Variants in EDA observed in about 807,000 individuals in gnomAD.
The protein encoded by EDA is ectodysplasin-A.
In EDA, 2 loss-of-function variants were observed where a neutral mutation model predicts 23.6. That is an observed-to-expected ratio of 0.08 (90% CI 0.03 to 0.27). EDA has a LOEUF of 0.27. Among genes scored for constraint, EDA ranks in the 10% least tolerant of loss-of-function variants. The pLI is 1.00. For synonymous variants in EDA, 131 were observed against 132.0 expected (o/e 0.99, Z 0.05); for missense variants, 229 against 324.2 (o/e 0.71, Z 2.26).
intron 1 of EDA, among the ~76,000 whole-genome samples, chrX:69,831,832 A>T (rs1311101215): frequency 8.9e-6 from 1 of 112,395 alleles, no homozygotes; most frequent in Non-Finnish European, 1.9e-5. Flanking sequence ...GGCTGCATAG[A>T]TGTCCTCTTT....
chrX:69,649,589 C>CT (rs34800169), intron 1 of EDA, among the ~76,000 whole-genome samples: 19,805 of 98,599 alleles, frequency 0.2, 1,725 homozygotes, highest in Non-Finnish European at 0.24. Flanking sequence ...GAAATACAGT[C>CT]TTTTTTTTTT....
At chrX:69,813,816 TA>T (rs11462972) in intron 1 of EDA, among the ~76,000 whole-genome samples, 38 of 101,983 alleles carry the variant, frequency 3.7e-4, no homozygotes, top group Admixed American at 4.3e-4. Flanking sequence ...ATGCTGCATT[TA>T]AAAAAAAAAA....
chrX:69,880,486 A>G (rs2017728080), intron 1 of EDA, among the ~76,000 whole-genome samples: 1 of 111,772 alleles, frequency 8.9e-6, no homozygotes, highest in Non-Finnish European at 1.9e-5. Flanking sequence ...GACTCAGGGG[A>G]CGAAACTAGT....
intron 1 of EDA, among the ~76,000 whole-genome samples, chrX:69,765,157 T>C (rs2014433275): frequency 1.8e-5 from 2 of 112,126 alleles, no homozygotes; most frequent in South Asian, 3.7e-4. Flanking sequence ...TTAAAGGCTA[T>C]GAGAGAATGT....
intron 2 of EDA, among the ~76,000 whole-genome samples, chrX:69,975,825 TA>T (rs201559097): frequency 2.1e-4 from 23 of 111,455 alleles, no homozygotes; most frequent in East Asian, 8.4e-4. Context: ...TTGGGTTACA[TA>T]AAAAAAATCT....
intron 1 of EDA, among the ~76,000 whole-genome samples, chrX:69,637,184 A>G (rs1048334579): frequency 8.9e-6 from 1 of 111,954 alleles, no homozygotes; most frequent in African/African-American, 3.2e-5. Context: ...CAAGTAGTCC[A>G]CAGGTATACT....
At chrX:69,927,775 A>C (rs2018544094) in intron 1 of EDA, among the ~76,000 whole-genome samples, 1 of 109,914 alleles carries the variant, frequency 9.1e-6, no homozygotes, top group South Asian at 3.9e-4. Flanking sequence ...TTTTAACACT[A>C]ATTTAGGTCC....
chrX:69,914,653 A>G (rs972544975), intron 1 of EDA, among the ~76,000 whole-genome samples: 5 of 111,198 alleles, frequency 4.5e-5, no homozygotes, highest in Non-Finnish European at 9.4e-5. Flanking sequence ...GCTATTTGGA[A>G]CTATATAATA....
At chrX:69,899,113 C>G (rs1216727102) in intron 1 of EDA, among the ~76,000 whole-genome samples, 2 of 111,970 alleles carry the variant, frequency 1.8e-5, no homozygotes, top group Admixed American at 9.5e-5. Flanking sequence ...AATGTGAGAT[C>G]ATACCATCCA....
chrX:69,923,638 T>A (rs1327808816), intron 1 of EDA, among the ~76,000 whole-genome samples: 2 of 112,030 alleles, frequency 1.8e-5, no homozygotes, highest in Non-Finnish European at 3.8e-5. Context: ...ATGATTTATT[T>A]AGATGATTTA....
intron 1 of EDA, among the ~76,000 whole-genome samples, chrX:69,839,515 C>A (rs1179334000): frequency 8.9e-6 from 1 of 112,497 alleles, no homozygotes; most frequent in African/African-American, 3.2e-5. Flanking sequence ...ATAATATGCA[C>A]TTACTCCTCT....
chrX:69,848,088 G>A (rs1406536491), intron 1 of EDA, among the ~76,000 whole-genome samples: 1 of 111,673 alleles, frequency 9.0e-6, no homozygotes, highest in Non-Finnish European at 1.9e-5. Flanking sequence ...TTTTCCTAAT[G>A]GCTAATTGTA....
chrX:69,769,175 A>G (rs1457426288), intron 1 of EDA, among the ~76,000 whole-genome samples: 4 of 111,763 alleles, frequency 3.6e-5, no homozygotes, highest in Non-Finnish European at 5.6e-5. Flanking sequence ...TTTTATAAAT[A>G]TCAAGTAGTT....
intron 1 of EDA, among the ~76,000 whole-genome samples, chrX:69,903,899 C>T (rs1602522740): frequency 9.0e-6 from 1 of 110,591 alleles, no homozygotes. Context: ...CAACCTTTGC[C>T]TCCCGGGTTA....
chrX:69,915,339 C>T (rs1460037903), intron 1 of EDA, among the ~76,000 whole-genome samples: 4 of 111,767 alleles, frequency 3.6e-5, no homozygotes, highest in Non-Finnish European at 7.5e-5. Flanking sequence ...CGCGGTGGCT[C>T]ATGCCTGTAA....
chrX:69,714,655 T>C (rs963277500), intron 1 of EDA, among the ~76,000 whole-genome samples: 2 of 112,076 alleles, frequency 1.8e-5, no homozygotes, highest in Non-Finnish European at 3.8e-5. Context: ...TTGAAAAGGC[T>C]ATGCTTCCTC....
At chrX:69,699,679 G>A (rs748613368) in intron 1 of EDA, among the ~76,000 whole-genome samples, 18 of 110,924 alleles carry the variant, frequency 1.6e-4, no homozygotes, top group African/African-American at 5.6e-4. Context: ...CTTAGACTGC[G>A]TTAGAACACC....
intron 1 of EDA, among the ~76,000 whole-genome samples, chrX:69,939,814 AAAC>A (rs2018730787): frequency 8.9e-6 from 1 of 111,883 alleles, no homozygotes; most frequent in African/African-American, 3.2e-5. Flanking sequence ...GAATTTTATC[AAAC>A]TCTTTTTTCA....
At chrX:69,707,565 C>T (rs1176519245) in intron 1 of EDA, among the ~76,000 whole-genome samples, 1 of 111,859 alleles carries the variant, frequency 8.9e-6, no homozygotes. Flanking sequence ...TCCTCTTGGT[C>T]CTCGTAGATG....
Sources: allele counts gnomAD v4.1 joint callset (sites outside exome capture counted in the v4.1 genomes callset), GRCh38; gene constraint gnomAD v4.1.1; transcripts MANE v1.5; gene names NCBI Gene and HGNC (gene_info 2026-07-23, HGNC 2026-07-21).